Variants in TACC1 observed in about 807,000 individuals in gnomAD.
The protein encoded by TACC1 is transforming acidic coiled-coil containing protein 1, also known as transforming acidic coiled-coil-containing protein 1.
TACC1 carries 48 observed loss-of-function variants against 84.4 expected under a neutral mutation model. That is an observed-to-expected ratio of 0.57 (90% CI 0.45 to 0.72). The LOEUF (loss-of-function observed/expected upper bound fraction) is 0.72, where lower values mean the gene tolerates loss of function less well. Ranked by LOEUF, TACC1 falls within the 30% of genes least tolerant of loss-of-function variation. The probability of loss-of-function intolerance (pLI) is 0.00; values close to 1 mark genes in which losing one functional copy is unlikely to be tolerated. For missense variants in TACC1, 920 were observed against 973.0 expected (o/e 0.95, Z 0.72); for synonymous variants, 372 against 376.3 (o/e 0.99, Z 0.13).
upstream of TACC1, chr8:38,787,171 A>AGGGGGCGGCTTCTG (rs1201996135): frequency 4.1e-6 from 4 of 984,542 alleles, no homozygotes; most frequent in African/African-American, 7.0e-5. Context: ...GTACGGTCCG[A>AGGGGGCGGCTTCTG]GGGGGCGGCT....
At chr8:38,744,749 G>T (rs1807744518) in intron 2 of TACC1, 1 of 143,340 alleles carries the variant, frequency 7.0e-6, no homozygotes, top group Admixed American at 7.1e-5. Context: ...TTTAAAAGTA[G>T]TTCAAGTCCA....
chr8:38,775,666 A>G (rs1025227967), intron 3 of TACC1, among the ~76,000 whole-genome samples: 1 of 152,166 alleles, frequency 6.6e-6, no homozygotes, highest in African/African-American at 2.4e-5. Flanking sequence ...TAATATTCTC[A>G]CATTGGAGTT....
chr8:38,744,363 G>A (rs186648244), intron 2 of TACC1, among the ~76,000 whole-genome samples: 139 of 152,128 alleles, frequency 9.1e-4, no homozygotes, highest in Non-Finnish European at 1.5e-3. Context: ...TGATCCACCC[G>A]TCTCAGCCTC....
intron 3 of TACC1, among the ~76,000 whole-genome samples, chr8:38,758,775 G>C (rs1240181915): frequency 6.9e-6 from 1 of 144,642 alleles, no homozygotes; most frequent in African/African-American, 2.6e-5. Flanking sequence ...TAACCCCCAA[G>C]AGCCATTGAA....
intron 3 of TACC1, among the ~76,000 whole-genome samples, chr8:38,822,266 A>AAAG (rs34949433): frequency 6.8e-6 from 1 of 147,848 alleles, no homozygotes; most frequent in East Asian, 2.0e-4. Context: ...AAAAAAAAAA[A>AAAG]CTACTATAGG....
intron 2 of TACC1, among the ~76,000 whole-genome samples, chr8:38,814,424 C>A (rs2152144683): frequency 6.6e-6 from 1 of 152,252 alleles, no homozygotes; most frequent in Non-Finnish European, 1.5e-5. Context: ...TTTTACTGTA[C>A]CTTTTCTGTG....
intron 2 of TACC1, among the ~76,000 whole-genome samples, chr8:38,791,370 C>A (rs531907040): frequency 6.6e-6 from 1 of 152,292 alleles, no homozygotes; most frequent in East Asian, 1.9e-4. Context: ...GTCCAGGAAA[C>A]AACCCTGCAT....
intron 2 of TACC1, among the ~76,000 whole-genome samples, chr8:38,807,225 A>C (rs1313938840): frequency 1.3e-5 from 2 of 152,072 alleles, no homozygotes; most frequent in Non-Finnish European, 2.9e-5. Flanking sequence ...TTCCCCAGAG[A>C]TGGAGGTGGA....
intron 2 of TACC1, among the ~76,000 whole-genome samples, chr8:38,794,868 T>TC (rs1819606579): frequency 6.6e-6 from 1 of 152,200 alleles, no homozygotes; most frequent in Non-Finnish European, 1.5e-5. Context: ...TGTGGCTCCT[T>TC]CAACAGCATC....
At chr8:38,821,622 A>G (rs1183388833) in intron 3 of TACC1, among the ~76,000 whole-genome samples, 1 of 152,190 alleles carries the variant, frequency 6.6e-6, no homozygotes, top group Non-Finnish European at 1.5e-5. Context: ...TCTCCTGGGA[A>G]ATTATCTGAC....
intron 1 of TACC1, among the ~76,000 whole-genome samples, chr8:38,742,000 A>G (rs887952503): frequency 9.9e-5 from 15 of 152,256 alleles, no homozygotes; most frequent in African/African-American, 2.4e-5. Context: ...TTATAAACAC[A>G]AATGCTTTTA....
At chr8:38,842,105 C>T (rs1474805561) in intron 9 of TACC1, among the ~76,000 whole-genome samples, 182 bp from the exon 10 acceptor site, 4 of 152,118 alleles carry the variant, frequency 2.6e-5, no homozygotes, top group East Asian at 1.9e-4. Context: ...TCCTCCTTAC[C>T]CTGCCTTGTT....
At chr8:38,818,780 TTTTTTTTTTTCTTC>T (rs1290212703) in intron 2 of TACC1, among the ~76,000 whole-genome samples, 2 of 147,676 alleles carry the variant, frequency 1.4e-5, no homozygotes, top group Non-Finnish European at 1.5e-5. Context: ...GATACATGGC[TTTTTTTTTTTCTTC>T]TTTTTTTTTT....
chr8:38,747,019 T>G (rs1449969506), intron 3 of TACC1, among the ~76,000 whole-genome samples: 1 of 152,196 alleles, frequency 6.6e-6, no homozygotes, highest in Non-Finnish European at 1.5e-5. Flanking sequence ...AGACAGAGAT[T>G]AATAATTGTT....
intron 3 of TACC1, among the ~76,000 whole-genome samples, chr8:38,756,457 TG>T (rs747768868): frequency 1.3e-5 from 2 of 151,638 alleles, no homozygotes; most frequent in Non-Finnish European, 2.9e-5. Flanking sequence ...AGGAGGTGGG[TG>T]GGAGGCAGGA....
At chr8:38,782,469 C>T (rs1412439415), upstream of TACC1, among the ~76,000 whole-genome samples, 8 of 152,134 alleles carry the variant, frequency 5.3e-5, no homozygotes, top group South Asian at 2.1e-4. Flanking sequence ...TGAATAGTGC[C>T]GCAATAAACA....
At chr8:38,803,301 T>C (rs182376595) in intron 2 of TACC1, among the ~76,000 whole-genome samples, 1 of 152,338 alleles carries the variant, frequency 6.6e-6, no homozygotes, top group East Asian at 1.9e-4. Context: ...TCTAGAACAG[T>C]GTTGAGTAGA....
At chr8:38,774,330 G>C (rs948562969) in intron 3 of TACC1, among the ~76,000 whole-genome samples, 6 of 152,116 alleles carry the variant, frequency 3.9e-5, no homozygotes, top group African/African-American at 1.2e-4. Flanking sequence ...TAATATGCAA[G>C]TTCTATGAGG....
Position 38,851,743 on chromosome 8 carries a change from T to G in TACC1, c.*3720T>G. The G allele has an allele frequency of 3.0e-6, 1 of 329,518 alleles. No homozygotes were observed. The highest frequency in any genetic ancestry group is 6.1e-6 in the Non-Finnish European group (1 of 164,382). 20.4% of individuals were successfully genotyped at this position (329,518 alleles called of 1,614,324 possible). On this transcript the variant is annotated 3_prime_UTR_variant, in exon 13 of 13. Transcript: ENST00000317827. ...AGAAACTAGGTTTTGAAAGATTACA[T>G]GATTCAAGCGAGGGATTTTAAAGTA... is the stretch of plus-strand genomic sequence containing the variant.
Sources: allele counts gnomAD v4.1 joint callset (sites outside exome capture counted in the v4.1 genomes callset), GRCh38; gene constraint gnomAD v4.1.1; transcripts MANE v1.5; gene names NCBI Gene and HGNC (gene_info 2026-07-23, HGNC 2026-07-21).